The following OTUD7A variants were observed in gnomAD, a reference collection of about 807,000 sequenced individuals.
OTUD7A encodes the protein OTU deubiquitinase 7A, also known as OTU domain-containing protein 7A.
In OTUD7A, 12 loss-of-function variants were observed where a neutral mutation model predicts 65.7. The ratio of observed to expected loss-of-function variants is 0.18; its 90% CI spans 0.12 to 0.30. OTUD7A has a LOEUF of 0.30. OTUD7A is among the 10% of genes least tolerant of loss of function. The probability of loss-of-function intolerance (pLI) is 1.00; values close to 1 mark genes in which losing one functional copy is unlikely to be tolerated. For missense variants in OTUD7A, 1,148 were observed against 1,304.8 expected (o/e 0.88, Z 1.85); for synonymous variants, 641 against 586.3 (o/e 1.09, Z -1.35).
intron 8 of OTUD7A, among the ~76,000 whole-genome samples, chr15:31,520,124 A>G (rs1222176117): frequency 6.6e-6 from 1 of 152,230 alleles, no homozygotes; most frequent in South Asian, 2.1e-4. Context: ...CATTTTTCAC[A>G]GGATTATAAA....
At chr15:31,650,012 A>G (rs1479320044) in intron 3 of OTUD7A, among the ~76,000 whole-genome samples, 1 of 127,782 alleles carries the variant, frequency 7.8e-6, no homozygotes, top group African/African-American at 3.9e-5. Context: ...TACCGTTCTA[A>G]GAAAGTCTGG....
chr15:31,552,991 G>A (rs551391931), intron 5 of OTUD7A, among the ~76,000 whole-genome samples: 2 of 152,166 alleles, frequency 1.3e-5, no homozygotes, highest in African/African-American at 4.8e-5. Context: ...CACAGCAGCC[G>A]ATGGTGAGAG....
Position 31,484,350 on chromosome 15 carries a change from A to G in OTUD7A, c.1746T>C (p.Ser582=). ...AKSRKGSKEE[S]GASASTSPSE... is the part of the protein sequence containing the mutation. ...ACGGCGACGTGCTGGCCGACGCACCAGACTCCTCCTTGCTGCCCTTGCGCG... is the reference window on the plus strand; with the variant it reads ...ACGGCGACGTGCTGGCCGACGCACCGGACTCCTCCTTGCTGCCCTTGCGCG... The change falls in exon 13 of 13, where the codon TCT becomes TCC. Residue 582 remains serine, a synonymous_variant. Transcript: ENST00000307050. The surrounding 1 kb of genome is among the most constrained non-coding windows in gnomAD (Gnocchi z 4.5). The G allele has an allele frequency of 1.2e-6, 2 of 1,601,184 alleles. No individual in the cohort carries two copies. The highest frequency in any genetic ancestry group is 1.7e-6 in the Non-Finnish European group (2 of 1,179,586).
Position 31,526,418 on chromosome 15 carries a change from G to T in OTUD7A, c.824C>A (p.Thr275Lys). ...YTEEEWEREW[T>K]ELLKLASSEP... ...GCTGGAGGCCAGCTTCAGCAGCTCC[G>T]TCCACTCCCGCTCCCACTCCTCCTC... Residue 275 changes from threonine to lysine, a missense_variant, in exon 8 of 13, where the codon ACG becomes AAG. Transcript: ENST00000307050. 1 of 1,602,312 alleles carries T rather than the reference G, an allele frequency of 6.2e-7. No homozygotes were observed. Among genetic ancestry groups the T allele is most frequent in the East Asian group, 2.2e-5 (1 of 44,762 alleles).
In OTUD7A at chr15:31,697,345, A is replaced by T. The variant is rs117024394; in HGVS notation, c.-99-40268T>A. Among the ~76,000 whole-genome samples the T allele has an allele frequency of 8.1e-3, 1,159 of 142,406 alleles. 52 individuals carry two copies. The East Asian group carries it at 0.084, about 10-fold the overall frequency. The allele number at this position is 142,406 out of a possible 152,430, so 93.4% of individuals were successfully genotyped here. On this transcript the variant is annotated intron_variant, in intron 1 of 12. Transcript: ENST00000307050. ...TGTTTCTCAACCTTTGCTTTCACTC[A>T]CTCACCCACATTACTTTCTGTGGCG...
chr15:31,490,736 C>G (rs577434448), intron 10 of OTUD7A, among the ~76,000 whole-genome samples: 1 of 152,344 alleles, frequency 6.6e-6, no homozygotes, highest in South Asian at 2.1e-4. Context: ...GCAGGCTCCT[C>G]TCCACAGGAC....
chr15:31,628,059 G>A (rs1266732113), intron 3 of OTUD7A, among the ~76,000 whole-genome samples: 1 of 152,070 alleles, frequency 6.6e-6, no homozygotes, highest in African/African-American at 2.4e-5. Flanking sequence ...TCACTCTGAT[G>A]GTAGTTTCTT....
chr15:31,725,315 TC>T (rs201637867), intron 1 of OTUD7A, among the ~76,000 whole-genome samples: 2 of 152,222 alleles, frequency 1.3e-5, no homozygotes, highest in Admixed American at 6.5e-5. Flanking sequence ...GTCGCCTGTC[TC>T]CCAGTTATTC....
intron 1 of OTUD7A, among the ~76,000 whole-genome samples, chr15:31,823,037 T>C (rs1186855121): frequency 6.6e-6 from 1 of 152,158 alleles, no homozygotes; most frequent in East Asian, 1.9e-4. Flanking sequence ...TGGAGAATAA[T>C]GTTCAAAGGA....
chr15:31,741,149 C>G (rs1438840523), intron 1 of OTUD7A, among the ~76,000 whole-genome samples: 1 of 152,098 alleles, frequency 6.6e-6, no homozygotes, highest in African/African-American at 2.4e-5. Context: ...ATCATACAGA[C>G]CAAGTTTTCT....
At position 31,487,131 on chromosome 15, in the gene OTUD7A, C is replaced by T; in HGVS notation, c.1371+63G>A. 1 of 1,507,990 alleles carries T rather than the reference C, an allele frequency of 6.6e-7. No homozygotes were observed. Among genetic ancestry groups the T allele is most frequent in the Non-Finnish European group, 9.1e-7 (1 of 1,093,334 alleles). The allele number at this position is 1,507,990 out of a possible 1,614,324, so 93.4% of individuals were successfully genotyped here. ...AGCATTTGGGAGGATGCACCCTGGTCAGACTGGAGCTGAGCAGCCTGGACC... is the reference window on the plus strand; with the variant it reads ...AGCATTTGGGAGGATGCACCCTGGTTAGACTGGAGCTGAGCAGCCTGGACC... On this transcript the variant is annotated intron_variant, in intron 12 of 12. Transcript: ENST00000307050. This position sits in a 1 kb window ranked among gnomAD's most constrained non-coding sequence, Gnocchi z 6.0.
intron 3 of OTUD7A, among the ~76,000 whole-genome samples, chr15:31,601,542 A>C (rs993211820): frequency 3.3e-5 from 5 of 152,202 alleles, no homozygotes; most frequent in African/African-American, 1.2e-4. Flanking sequence ...CATCACAATT[A>C]AAAGAACTAG....
At chr15:31,501,928 G>C (rs958193368) in intron 9 of OTUD7A, 89 bp from the exon 10 acceptor site, 7 of 1,399,754 alleles carry the variant, frequency 5.0e-6, no homozygotes, top group Non-Finnish European at 6.8e-6. Flanking sequence ...TCACTACCCC[G>C]GGGGGACTCC....
chr15:31,824,460 A>G (rs1282766058), intron 1 of OTUD7A, among the ~76,000 whole-genome samples: 2 of 152,254 alleles, frequency 1.3e-5, no homozygotes, highest in Non-Finnish European at 2.9e-5. Context: ...AAGACAAGAC[A>G]GCCAAACAGA....
chr15:31,573,175 A>C (rs1019391088), intron 3 of OTUD7A, among the ~76,000 whole-genome samples: 5 of 152,220 alleles, frequency 3.3e-5, no homozygotes, highest in African/African-American at 1.2e-4. Context: ...TGGCAGCAAC[A>C]GTCAATGCCA....
intron 1 of OTUD7A, among the ~76,000 whole-genome samples, chr15:31,661,723 TAAC>T (rs767160427): frequency 1.3e-5 from 2 of 152,172 alleles, no homozygotes; most frequent in Non-Finnish European, 2.9e-5. Flanking sequence ...CACCTAAAAA[TAAC>T]AAAAATTCTT....
At chr15:31,614,304 A>G (rs1890520598) in intron 3 of OTUD7A, among the ~76,000 whole-genome samples, 1 of 143,088 alleles carries the variant, frequency 7.0e-6, no homozygotes, top group Non-Finnish European at 1.5e-5. Flanking sequence ...ATGGAAAAAT[A>G]GAAAAAAAAA....
chr15:31,571,194 T>C (rs950018374), intron 3 of OTUD7A, among the ~76,000 whole-genome samples: 1 of 152,002 alleles, frequency 6.6e-6, no homozygotes, highest in Non-Finnish European at 1.5e-5. Context: ...ACAACTATTA[T>C]GTATCCATAA....
rs572674302 is a variant in OTUD7A, at chr15:31,509,379, C to T, written c.894-5561G>A. 2.6e-5 allele frequency among the ~76,000 whole-genome samples: 4 copies of T among 152,028 alleles called. No homozygotes were observed. The South Asian group carries it at 6.2e-4, about 24-fold the overall frequency. ...CCGCAAATTCCACCTCCTGGGTTCA[C>T]GCCATTCTTTTGCCTCAGCCTCCCG... On this transcript the variant is annotated intron_variant, in intron 8 of 12. Transcript: ENST00000307050.
Sources: gnomAD v4.1 joint callset for allele counts (sites outside exome capture counted in the v4.1 genomes callset) on GRCh38, gnomAD v4.1.1 for gene constraint, Gnocchi (gnomAD v3.1) non-coding constraint, MANE v1.5 for transcripts, NCBI Gene and HGNC (gene_info 2026-07-23, HGNC 2026-07-21) for gene names.